The following RIPOR3 variants were observed in gnomAD, a reference collection of about 807,000 sequenced individuals.
RIPOR3 encodes the protein family with sequence similarity 65 member C.
In RIPOR3, 95 loss-of-function variants were observed where a neutral mutation model predicts 114.3. That is an observed-to-expected ratio of 0.83 (90% CI 0.70 to 0.99). The LOEUF (loss-of-function observed/expected upper bound fraction) is 0.99. RIPOR3 is among the 50% of genes least tolerant of loss of function. RIPOR3 has a pLI of 0.00. For synonymous variants in RIPOR3, 575 were observed against 543.8 expected, an observed-to-expected ratio of 1.06 and a Z score of -0.80; for missense variants, 1,252 against 1,266.9, an observed-to-expected ratio of 0.99 and a Z score of 0.18.
At chr20:50,606,940 G>A (rs1196864715) in intron 11 of RIPOR3, among the ~76,000 whole-genome samples, 2 of 152,140 alleles carry the variant, frequency 1.3e-5, no homozygotes, top group African/African-American at 2.4e-5. Context: ...TTGTTGGCCA[G>A]GCTGGTCTCG....
At position 50,620,051 on chromosome 20, in the gene RIPOR3, C is replaced by T. The variant is rs113703688; in HGVS notation, c.204G>A (p.Ser68=). 9.7e-5 allele frequency: 157 copies of T among 1,614,120 alleles called. No homozygotes were observed. In the Middle Eastern group the frequency reaches 2.3e-3, roughly 24 times the overall value. The change falls in exon 3 of 22, where the codon TCG becomes TCA. Residue 68 remains serine, a synonymous_variant. Transcript: ENST00000327979. ...GCTGGGGCTTCGGGTCTGCACAGAC[C>T]GACCCCTTCCGCAGCGTGCCGTACA... The part of the protein sequence containing the change: ...SKMYGTLRKG[S]VCADPKPQQV...
At chr20:50,610,705 G>T in intron 6 of RIPOR3, 148 bp downstream of exon 6, 1 of 1,054,384 alleles carries the variant, frequency 9.5e-7, no homozygotes, top group Non-Finnish European at 1.4e-6. Flanking sequence ...CGAGGCCCCT[G>T]CTCATCCTTA....
chr20:50,611,844 C>T (rs2083989794), intron 4 of RIPOR3, among the ~76,000 whole-genome samples: 1 of 152,120 alleles, frequency 6.6e-6, no homozygotes, highest in Non-Finnish European at 1.5e-5. Flanking sequence ...ACCATCCTGG[C>T]CAGGCGCAGT....
At chr20:50,665,506 C>T (rs886396126) in intron 1 of RIPOR3, among the ~76,000 whole-genome samples, 11 of 146,420 alleles carry the variant, frequency 7.5e-5, no homozygotes, top group African/African-American at 2.5e-4. Context: ...CCGCAACCTC[C>T]GCCTCCCGGG....
Position 50,587,331 on chromosome 20 carries a change from A to G in RIPOR3, c.2754T>C (p.Gly918=), listed in dbSNP as rs148739724. ...TCTCAAAAGCTAACCGTCCTTTTTC[A>G]CCTGAAATAGCAAAGGGACCTGTCA... ...AAARETTLSF[G]EKGRLAFEKM... The change falls in exon 22 of 22, where the codon GGT becomes GGC. Residue 918 remains glycine (G), a splice_region_variant and synonymous_variant. Transcript: ENST00000327979. 198 of 1,613,768 alleles carry G rather than the reference A, an allele frequency of 1.2e-4. No homozygotes were observed. The African/African-American group carries it at 2.2e-3, about 18-fold the overall frequency.
At chr20:50,635,521 G>C (rs2084954513) in intron 1 of RIPOR3, among the ~76,000 whole-genome samples, 1 of 152,096 alleles carries the variant, frequency 6.6e-6, no homozygotes, top group Non-Finnish European at 1.5e-5. Flanking sequence ...AGATGTGGTG[G>C]CGTGCACCTG....
intron 2 of RIPOR3, among the ~76,000 whole-genome samples, chr20:50,623,462 G>A (rs1244448380): frequency 6.6e-6 from 1 of 151,956 alleles, no homozygotes; most frequent in Admixed American, 6.6e-5. Context: ...AATGGGACCT[G>A]GTATGCTCTG....
At chr20:50,687,900 C>T (rs1451771630) in intron 1 of RIPOR3, among the ~76,000 whole-genome samples, 1 of 142,564 alleles carries the variant, frequency 7.0e-6, no homozygotes, top group East Asian at 2.1e-4. Flanking sequence ...GTGACTCCAT[C>T]TCAAAAAAAA....
At position 50,647,796 on chromosome 20, in the gene RIPOR3, A is replaced by G. The variant is rs886576532; in HGVS notation, c.4-16940T>C. ...CGCACCCGGCCACCTCATTCTCACT[A>G]TGTGACCTTGGACAAGTCACTTATC... On this transcript the variant is annotated intron_variant, in intron 1 of 21. Transcript: ENST00000327979. 3.3e-5 allele frequency among the ~76,000 whole-genome samples: 5 copies of G among 151,974 alleles called. No individual in the cohort carries two copies. In the East Asian group the frequency reaches 7.8e-4, roughly 24 times the overall value.
At chr20:50,630,210 C>T (rs769069041) in intron 2 of RIPOR3, among the ~76,000 whole-genome samples, 1 of 152,152 alleles carries the variant, frequency 6.6e-6, no homozygotes, top group Non-Finnish European at 1.5e-5. Context: ...TCAAGTGATC[C>T]GCCCGCCTTG....
intron 1 of RIPOR3, among the ~76,000 whole-genome samples, chr20:50,664,023 T>C (rs904172422): frequency 6.6e-6 from 1 of 151,366 alleles, no homozygotes; most frequent in Admixed American, 6.6e-5. Flanking sequence ...GCCTCCCGGC[T>C]TCAAGCGATT....
At chr20:50,613,228 ACC>A (rs1224611875) in intron 4 of RIPOR3, among the ~76,000 whole-genome samples, 2 of 152,158 alleles carry the variant, frequency 1.3e-5, no homozygotes, top group Non-Finnish European at 2.9e-5. Context: ...TGAGTGGATC[ACC>A]TGAGGTCAGG....
intron 11 of RIPOR3, 52 bp from the exon 12 acceptor site, chr20:50,604,826 C>A (rs767902454): frequency 6.3e-7 from 1 of 1,590,074 alleles, no homozygotes; most frequent in East Asian, 2.3e-5. Flanking sequence ...GAGGCCATTT[C>A]AGGCCCAGAC....
chr20:50,654,732 G>GT (rs770651630), intron 1 of RIPOR3, among the ~76,000 whole-genome samples: 7 of 151,866 alleles, frequency 4.6e-5, no homozygotes, highest in Admixed American at 1.3e-4. Context: ...TGTTTGGTGG[G>GT]GTTTTTTTGT....
chr20:50,683,498 G>A (rs951504662), intron 1 of RIPOR3, among the ~76,000 whole-genome samples: 5 of 151,746 alleles, frequency 3.3e-5, no homozygotes, highest in Non-Finnish European at 7.4e-5. Context: ...CATTGGCCAG[G>A]TTGGAGTGCA....
At chr20:50,631,963 G>C (rs1180597794) in intron 1 of RIPOR3, among the ~76,000 whole-genome samples, 2 of 152,114 alleles carry the variant, frequency 1.3e-5, no homozygotes, top group African/African-American at 4.8e-5. Context: ...CTACGAAAAA[G>C]CTCCAGTCCA....
intron 21 of RIPOR3, among the ~76,000 whole-genome samples, 160 bp downstream of exon 21, chr20:50,587,642 T>C (rs1307807156): frequency 1.3e-5 from 2 of 152,236 alleles, no homozygotes; most frequent in African/African-American, 4.8e-5. Flanking sequence ...GGCAGGATGC[T>C]ACAAAGGGTG....
In RIPOR3 at chr20:50,636,695, G is replaced by A. The variant is rs916616562; in HGVS notation, c.4-5839C>T. The A allele has an allele frequency of 2.3e-5, 23 of 985,544 alleles. No individual in the cohort carries two copies. The African/African-American group carries it at 3.7e-4, about 16-fold the overall frequency. 61.0% of individuals were successfully genotyped at this position (985,544 alleles called of 1,614,324 possible). A position where few individuals can be genotyped will look rare whatever the true frequency, so the allele number is the denominator to read the frequency against. On this transcript the variant is annotated intron_variant, in intron 1 of 21. Transcript: ENST00000327979. ...CGGCTGGTGTGTGCAGGGAGAGGAA[G>A]CCAGATGCTCCCAGACACTGGGGAC...
intron 1 of RIPOR3, among the ~76,000 whole-genome samples, chr20:50,666,189 T>TTTCTTTTC (rs1568944408): frequency 7.2e-4 from 15 of 20,930 alleles, no homozygotes; most frequent in African/African-American, 1.1e-3. Flanking sequence ...ACCCATTTCT[T>TTTCTTTTC]TTCTTTTCTT....
Sources: allele counts gnomAD v4.1 joint callset (sites outside exome capture counted in the v4.1 genomes callset), GRCh38; gene constraint gnomAD v4.1.1; transcripts MANE v1.5; gene names NCBI Gene and HGNC (gene_info 2026-07-23, HGNC 2026-07-21).